The following TMTC4 variants were observed in gnomAD, a reference collection of about 807,000 sequenced individuals.
TMTC4 encodes the protein protein O-mannosyl-transferase TMTC4.
TMTC4 carries 65 observed loss-of-function variants against 86.0 expected under a neutral mutation model. That is an observed-to-expected ratio of 0.76 (90% CI 0.62 to 0.93). The LOEUF (loss-of-function observed/expected upper bound fraction) is 0.93. Ranked by LOEUF, TMTC4 falls within the 40% of genes least tolerant of loss-of-function variation. TMTC4 has a pLI of 0.00. For missense variants in TMTC4, 866 were observed against 948.1 expected (o/e 0.91, Z 1.14); for synonymous variants, 379 against 382.5 (o/e 0.99, Z 0.11).
chr13:100,613,623 G>C (rs1877979778), intron 16 of TMTC4, among the ~76,000 whole-genome samples: 1 of 152,192 alleles, frequency 6.6e-6, no homozygotes, highest in African/African-American at 2.4e-5. Flanking sequence ...CTAGAGGATG[G>C]CCAATGGTGG....
At chr13:100,619,000 T>C (rs552271527) in intron 15 of TMTC4, among the ~76,000 whole-genome samples, 69 of 152,322 alleles carry the variant, frequency 4.5e-4, no homozygotes, top group African/African-American at 1.6e-3. Context: ...CAATGAGCTG[T>C]TGGGTACACC....
At chr13:100,639,766 C>G (rs796266180) in intron 7 of TMTC4, among the ~76,000 whole-genome samples, 58 of 151,982 alleles carry the variant, frequency 3.8e-4, no homozygotes, top group African/African-American at 1.3e-3. Flanking sequence ...ATGGTAAAAC[C>G]CTGTCTCTAC....
At chr13:100,674,922 C>T (rs1887680781), upstream of TMTC4, 1 of 985,100 alleles carries the variant, frequency 1.0e-6, no homozygotes, top group Non-Finnish European at 1.2e-6. Flanking sequence ...CAGTCTCGGC[C>T]CGCCCCCTCC....
chr13:100,668,254 A>T, intron 3 of TMTC4: 1 of 200,216 alleles, frequency 5.0e-6, no homozygotes, highest in African/African-American at 2.4e-5. Flanking sequence ...AATGTTTTGC[A>T]AAATCTGGAA....
chr13:100,617,427 A>G (rs1226592110), intron 15 of TMTC4, among the ~76,000 whole-genome samples: 1 of 152,136 alleles, frequency 6.6e-6, no homozygotes, highest in South Asian at 2.1e-4. Flanking sequence ...TGAGCCACTG[A>G]GCTCAGCCTC....
chr13:100,612,572 C>A, intron 16 of TMTC4, 62 bp from the exon 17 acceptor site: 1 of 1,236,822 alleles, frequency 8.1e-7, no homozygotes. Flanking sequence ...TTTAGCTTCT[C>A]TCTATAACTA....
chr13:100,622,708 A>G (rs557887008), intron 15 of TMTC4, among the ~76,000 whole-genome samples: 1 of 152,318 alleles, frequency 6.6e-6, no homozygotes, highest in East Asian at 1.9e-4. Flanking sequence ...AGTGTCAGGT[A>G]TATCTTTATC....
At position 100,609,701 on chromosome 13, in the gene TMTC4, A is replaced by ACC. The variant is rs1555337993; in HGVS notation, c.2064+2695_2064+2696dup. Among the ~76,000 whole-genome samples the ACC allele has an allele frequency of 4.4e-3, 671 of 151,838 alleles. 9 individuals carry two copies. Among genetic ancestry groups the ACC allele is most frequent in the African/African-American group, 0.015 (617 of 41,390 alleles). Reference sequence around the variant, plus strand: ...TATATACACACACACACACACACACACCCATACATATATACATATACATAT... The same window carrying ACC: ...TATATACACACACACACACACACACACCCCCATACATATATACATATACATAT... On this transcript the variant is annotated intron_variant, in intron 17 of 18. Coordinates refer to ENST00000342624, the MANE Select transcript of TMTC4 (RefSeq NM_032813.5).
intron 6 of TMTC4, 99 bp from the exon 7 acceptor site, chr13:100,642,410 A>C: frequency 7.4e-7 from 1 of 1,347,252 alleles, no homozygotes; most frequent in East Asian, 2.3e-5. Flanking sequence ...TTAAACAACC[A>C]TAACTTAAAA....
At position 100,663,177 on chromosome 13, in the gene TMTC4, A is replaced by T. The variant is rs1886001615; in HGVS notation, c.339T>A (p.Ile113=). The change falls in exon 5 of 19, where the codon ATT becomes ATA. Residue 113 remains isoleucine, a synonymous_variant. Transcript: ENST00000342624. ...GGAAGCCTCCCGAGAGGTAGTAGTTAATCCTGCAGAAACACAGGGTGTTCA... is the reference window on the plus strand; with the variant it reads ...GGAAGCCTCCCGAGAGGTAGTAGTTTATCCTGCAGAAACACAGGGTGTTCA... ...YRPLTVLTFR[I]NYYLSGGFHP... The T allele has an allele frequency of 1.9e-6, 3 of 1,614,190 alleles. No homozygotes were observed. The Middle Eastern group carries it at 5.0e-4, about 266-fold the overall frequency.
intron 6 of TMTC4, among the ~76,000 whole-genome samples, chr13:100,649,308 C>CCCACA (rs1884132796): frequency 6.6e-6 from 1 of 152,112 alleles, no homozygotes; most frequent in South Asian, 2.1e-4. Flanking sequence ...CAAACTTCTG[C>CCCACA]CCACATAATT....
rs551370898 is a variant in TMTC4, at chr13:100,608,293, T to C, written c.2065-1866A>G. Among the ~76,000 whole-genome samples, 3 of 152,212 alleles carry C rather than the reference T, an allele frequency of 2.0e-5. No individual in the cohort carries two copies. The South Asian group carries it at 6.2e-4, about 32-fold the overall frequency. On this transcript the variant is annotated intron_variant, in intron 17 of 18. Coordinates refer to ENST00000342624, the MANE Select transcript of TMTC4 (RefSeq NM_032813.5). The stretch of plus-strand genomic sequence containing the variant: ...AGGGAAGGGCTCAGATCTGACACCT[T>C]GTTAGAGGGCCACTGCTGTCAGCAA...
intron 6 of TMTC4, among the ~76,000 whole-genome samples, chr13:100,643,602 AG>A (rs1883323033): frequency 6.6e-6 from 1 of 152,256 alleles, no homozygotes; most frequent in Non-Finnish European, 1.5e-5. Flanking sequence ...ATTGGGGTAG[AG>A]GAGGGAGAAA....
chr13:100,657,604 C>G (rs17475737), intron 5 of TMTC4, among the ~76,000 whole-genome samples: 15,979 of 152,240 alleles, frequency 0.1, 921 homozygotes, highest in Non-Finnish European at 0.14. Context: ...CTAACTGGCA[C>G]CTGAATGTGA....
rs199735670 is a variant in TMTC4 at position 100,662,944 on chromosome 13, C to T, written c.552+20G>A. 1.5e-4 allele frequency: 240 copies of T among 1,612,622 alleles called. No individual in the cohort carries two copies. The African/African-American group carries it at 2.9e-3, about 19-fold the overall frequency. On this transcript the variant is annotated intron_variant, in intron 5 of 18. Transcript: ENST00000342624. ...TCGCTTCTCACGTGCATACAGATGC[C>T]TCGGGCAGACGACACTTACACACTC...
At chr13:100,612,884 T>C (rs536748755) in intron 16 of TMTC4, among the ~76,000 whole-genome samples, 31 of 152,358 alleles carry the variant, frequency 2.0e-4, no homozygotes, top group African/African-American at 7.0e-4. Context: ...ATTTATCACA[T>C]TGAAGTATAC....
chr13:100,625,904 GA>G lies in TMTC4; in HGVS notation c.1587-13del. ...ACTTGGGATTTAATCTGAAAGTTGA[GA>G]AAAAACCAAGCTGACCATTAAATGC... On this transcript the variant is annotated splice_polypyrimidine_tract_variant and intron_variant, in intron 13 of 18. Coordinates refer to ENST00000342624, the MANE Select transcript of TMTC4 (RefSeq NM_032813.5). 1 of 1,608,858 alleles carries G rather than the reference GA, an allele frequency of 6.2e-7. No individual in the cohort carries two copies. The highest frequency in any genetic ancestry group is 8.5e-7 in the Non-Finnish European group (1 of 1,178,578).
chr13:100,631,632 A>G (rs1001643366), intron 12 of TMTC4, among the ~76,000 whole-genome samples: 2 of 152,158 alleles, frequency 1.3e-5, no homozygotes, highest in Non-Finnish European at 2.9e-5. Context: ...CACTACCTAC[A>G]CTGACATTGC....
chr13:100,629,818 C>CG (rs1185613036), intron 12 of TMTC4, among the ~76,000 whole-genome samples: 3 of 152,034 alleles, frequency 2.0e-5, no homozygotes, highest in African/African-American at 7.2e-5. Flanking sequence ...GAATGGCGTC[C>CG]TTACAGAAAG....
Sources: allele counts gnomAD v4.1 joint callset (sites outside exome capture counted in the v4.1 genomes callset), GRCh38; gene constraint gnomAD v4.1.1; transcripts MANE v1.5; gene names NCBI Gene and HGNC (gene_info 2026-07-23, HGNC 2026-07-21).